The following CFAP299 variants were observed in gnomAD, a reference collection of about 807,000 sequenced individuals.
CFAP299 encodes cilia- and flagella-associated protein 299.
Under a neutral mutation model 27.0 loss-of-function variants are expected in CFAP299, and 21 were observed. That is an observed-to-expected ratio of 0.78 (90% confidence interval 0.55 to 1.12). The LOEUF (loss-of-function observed/expected upper bound fraction) is 1.12, where lower values mean the gene tolerates loss of function less well. Ranked by LOEUF, CFAP299 falls within the 50% of genes most tolerant of loss-of-function variation. CFAP299 has a pLI of 0.00. For missense variants in CFAP299, 310 were observed against 276.6 expected (o/e 1.12, Z -0.86); for synonymous variants, 104 against 98.1 (o/e 1.06, Z -0.36).
intron 2 of CFAP299, among the ~76,000 whole-genome samples, chr4:80,460,529 G>T (rs902349031): frequency 1.3e-5 from 2 of 152,214 alleles, no homozygotes; most frequent in Non-Finnish European, 2.9e-5. Context: ...GTTCATGAAA[G>T]TTGCATGCTG....
At chr4:80,355,225 C>T (rs1381057790) in intron 1 of CFAP299, among the ~76,000 whole-genome samples, 1 of 151,976 alleles carries the variant, frequency 6.6e-6, no homozygotes, top group East Asian at 1.9e-4. Context: ...TTCCGATTGG[C>T]ATGAGATGGT....
At chr4:80,865,660 A>G (rs1418552472) in intron 3 of CFAP299, among the ~76,000 whole-genome samples, 1 of 152,058 alleles carries the variant, frequency 6.6e-6, no homozygotes, top group Non-Finnish European at 1.5e-5. Flanking sequence ...TAAAAATTTC[A>G]CTAAAAAGTC....
chr4:80,522,384 T>C (rs566914383), intron 2 of CFAP299, among the ~76,000 whole-genome samples: 6 of 152,216 alleles, frequency 3.9e-5, no homozygotes, highest in Admixed American at 3.9e-4. Flanking sequence ...TAGGAGTGCC[T>C]TATATATTTT....
At chr4:80,798,338 C>T (rs2110103851) in intron 3 of CFAP299, among the ~76,000 whole-genome samples, 1 of 152,204 alleles carries the variant, frequency 6.6e-6, no homozygotes, top group African/African-American at 2.4e-5. Context: ...CTGATGGCAG[C>T]ATGAGTCAGG....
At chr4:80,890,223 GA>G (rs1377621744) in intron 4 of CFAP299, among the ~76,000 whole-genome samples, 1 of 151,916 alleles carries the variant, frequency 6.6e-6, no homozygotes, top group Non-Finnish European at 1.5e-5. Context: ...CTCATACTTG[GA>G]AAAACCTAAA....
At chr4:80,934,646 T>TA (rs1440897316) in intron 4 of CFAP299, among the ~76,000 whole-genome samples, 2 of 152,036 alleles carry the variant, frequency 1.3e-5, no homozygotes, top group Non-Finnish European at 1.5e-5. Context: ...TCCAGGAATG[T>TA]ATCCATTTCT....
intron 3 of CFAP299, among the ~76,000 whole-genome samples, chr4:80,650,092 T>A (rs1740211295): frequency 1.3e-5 from 2 of 152,230 alleles, no homozygotes; most frequent in Non-Finnish European, 2.9e-5. Context: ...GCATATAGCA[T>A]AAGAAAATGT....
chr4:80,690,960 C>A (rs200731854), intron 3 of CFAP299, among the ~76,000 whole-genome samples: 1 of 145,320 alleles, frequency 6.9e-6, no homozygotes, highest in African/African-American at 2.6e-5. Context: ...GGATAAATTC[C>A]TTGACACATA....
chr4:80,803,866 CTGTT>C (rs1247363341), intron 3 of CFAP299, among the ~76,000 whole-genome samples: 2 of 151,872 alleles, frequency 1.3e-5, no homozygotes, highest in East Asian at 3.9e-4. Flanking sequence ...GTGTCTTAGT[CTGTT>C]TGTGCTGTTA....
intron 2 of CFAP299, among the ~76,000 whole-genome samples, chr4:80,364,960 T>A (rs1270881758): frequency 5.3e-5 from 8 of 152,216 alleles, no homozygotes; most frequent in Admixed American, 5.2e-4. Flanking sequence ...GGCTGCATAG[T>A]ATTCCATGGT....
At chr4:80,799,602 ATTTT>A in intron 3 of CFAP299, among the ~76,000 whole-genome samples, 1 of 53,094 alleles carries the variant, frequency 1.9e-5, no homozygotes, top group African/African-American at 8.2e-5. Context: ...TAAAATATAT[ATTTT>A]ATATATTATA....
intron 3 of CFAP299, among the ~76,000 whole-genome samples, chr4:80,695,067 A>G (rs1462770430): frequency 6.6e-6 from 1 of 152,186 alleles, no homozygotes; most frequent in Non-Finnish European, 1.5e-5. Context: ...CATTTTAAAA[A>G]ATGAAGTAGG....
chr4:80,323,208 T>C, the CFAP299 span, among the ~76,000 whole-genome samples: 2 of 152,174 alleles, frequency 1.3e-5, no homozygotes, highest in Admixed American at 6.5e-5. Context: ...TGAACAGTGA[T>C]TGGAAGCTGG....
At chr4:80,887,447 G>GA (rs59406741) in intron 4 of CFAP299, among the ~76,000 whole-genome samples, 26,590 of 151,478 alleles carry the variant, frequency 0.18, 3,404 homozygotes, top group African/African-American at 0.34. Flanking sequence ...AGTGCTGAAA[G>GA]AAAAAAAATA....
At chr4:80,353,938 C>G (rs1425423954) in intron 1 of CFAP299, among the ~76,000 whole-genome samples, 1 of 152,076 alleles carries the variant, frequency 6.6e-6, no homozygotes, top group Non-Finnish European at 1.5e-5. Flanking sequence ...ACACCAGGCA[C>G]CAAAATATAT....
intron 2 of CFAP299, chr4:80,386,548 T>C (rs1725016609): frequency 6.3e-7 from 1 of 1,594,532 alleles, no homozygotes. Context: ...GCAGGTCCTT[T>C]TCCTTCTGGG....
At chr4:80,428,953 A>G (rs761401236) in intron 2 of CFAP299, among the ~76,000 whole-genome samples, 4 of 152,196 alleles carry the variant, frequency 2.6e-5, no homozygotes, top group Non-Finnish European at 4.4e-5. Context: ...ATTTTTTTCC[A>G]GTAAATCAGA....
At chr4:80,692,712 A>G (rs931058829) in intron 3 of CFAP299, among the ~76,000 whole-genome samples, 29 of 152,194 alleles carry the variant, frequency 1.9e-4, no homozygotes, top group Non-Finnish European at 3.5e-4. Flanking sequence ...TAATTAAACT[A>G]AAGAGCTTCT....
chr4:80,494,020 C>A (rs1381048188), intron 2 of CFAP299, among the ~76,000 whole-genome samples: 2 of 151,904 alleles, frequency 1.3e-5, no homozygotes, highest in Admixed American at 6.6e-5. Context: ...CATGATCCAC[C>A]CGCCTCGGCC....
Sources: gnomAD v4.1 joint callset for allele counts (sites outside exome capture counted in the v4.1 genomes callset) on GRCh38, gnomAD v4.1.1 for gene constraint, MANE v1.5 for transcripts, NCBI Gene and HGNC (gene_info 2026-07-23, HGNC 2026-07-21) for gene names.